Variants in HIF1AN observed in about 807,000 individuals in gnomAD.
HIF1AN encodes hypoxia inducible factor 1 subunit alpha inhibitor.
In HIF1AN, 21 loss-of-function variants were observed where a neutral mutation model predicts 47.7. That is an observed-to-expected ratio of 0.44 (90% CI 0.31 to 0.63). The LOEUF (loss-of-function observed/expected upper bound fraction) is 0.63, where lower values mean the gene tolerates loss of function less well. HIF1AN is among the 30% of genes least tolerant of loss of function. HIF1AN has a pLI of 0.07. For synonymous variants in HIF1AN, 152 were observed against 155.9 expected (o/e 0.98, Z 0.18); for missense variants, 320 against 432.7 (o/e 0.74, Z 2.31).
Position 100,548,484 on chromosome 10 carries a change from A to G in HIF1AN, c.*347A>G, listed in dbSNP as rs1370138321. Reference sequence around the variant, plus strand: ...AATGTGTGCGTGTGTGTGCATGCACACGCATGTATGTATCTGTTCCCTGTT... The same window carrying G: ...AATGTGTGCGTGTGTGTGCATGCACGCGCATGTATGTATCTGTTCCCTGTT... On this transcript the variant is annotated 3_prime_UTR_variant, in exon 8 of 8. Transcript: ENST00000299163. The G allele has an allele frequency of 4.2e-6, 1 of 236,042 alleles. No homozygotes were observed. Among genetic ancestry groups the G allele is most frequent in the East Asian group, 8.8e-5 (1 of 11,360 alleles). The allele number at this position is 236,042 out of a possible 1,614,324, so 14.6% of individuals were successfully genotyped here.
chr10:100,556,804 T>C lies in HIF1AN; in HGVS notation c.*8667T>C, dbSNP rs1184507331. ...TCTGTGAGGGGTAGGAAATAGCACA[T>C]AACTTGTAGCATTGTTATAAGGGCT... On this transcript the variant is annotated 3_prime_UTR_variant, in exon 8 of 8. Coordinates refer to ENST00000299163, the MANE Select transcript of HIF1AN (RefSeq NM_017902.3). The C allele has an allele frequency of 6.6e-6, 1 of 152,246 alleles. No individual in the cohort carries two copies. Among genetic ancestry groups the C allele is most frequent in the African/African-American group, 2.4e-5 (1 of 41,462 alleles). The allele number at this position is 152,246 out of a possible 1,614,324, so 9.4% of individuals were successfully genotyped here.
intron 3 of HIF1AN, among the ~76,000 whole-genome samples, chr10:100,543,417 A>G (rs911737731): frequency 7.9e-5 from 12 of 151,418 alleles, no homozygotes; most frequent in African/African-American, 2.4e-4. Flanking sequence ...CTGGTCTCGA[A>G]CTCCTGGCCC....
chr10:100,545,833 C>A, intron 4 of HIF1AN, 110 bp from the exon 5 acceptor site: 1 of 713,022 alleles, frequency 1.4e-6, no homozygotes, highest in East Asian at 2.5e-5. Flanking sequence ...TTTAAGGCAT[C>A]GTTTTTTTTT....
chr10:100,546,723 T>C (rs1299644601), intron 6 of HIF1AN, 142 bp downstream of exon 6: 2 of 683,628 alleles, frequency 2.9e-6, no homozygotes, highest in Admixed American at 2.6e-5. Context: ...AGGGACAGGA[T>C]TGAATTGGGT....
rs973837140 is a variant in HIF1AN, at chr10:100,559,764, A to G, written c.*11627A>G. 2.0e-5 allele frequency: 3 copies of G among 152,282 alleles called. No individual in the cohort carries two copies. The highest frequency in any genetic ancestry group is 2.1e-4 in the South Asian group (1 of 4,818). 9.4% of individuals were successfully genotyped at this position (152,282 alleles called of 1,614,324 possible). A position where few individuals can be genotyped will look rare whatever the true frequency, so the allele number is the denominator to read the frequency against. Reference sequence around the variant, plus strand: ...TAATTTATGAATATAAATTGTTTCTATATAACCCAAAGTCACTCTCATTGA... The same window carrying G: ...TAATTTATGAATATAAATTGTTTCTGTATAACCCAAAGTCACTCTCATTGA... On this transcript the variant is annotated 3_prime_UTR_variant, in exon 8 of 8. Transcript: ENST00000299163.
At chr10:100,547,869 G>A (rs942305447) in intron 7 of HIF1AN, among the ~76,000 whole-genome samples, 3 of 152,064 alleles carry the variant, frequency 2.0e-5, no homozygotes, top group African/African-American at 7.3e-5. Context: ...AGACGGTGTT[G>A]TGCGAGAGAA....
chr10:100,541,850 A>G (rs1382798450), intron 3 of HIF1AN, among the ~76,000 whole-genome samples: 1 of 152,232 alleles, frequency 6.6e-6, no homozygotes, highest in Non-Finnish European at 1.5e-5. Context: ...TGCAAACACC[A>G]TAGAGTATAG....
chr10:100,536,694 T>G, intron 2 of HIF1AN, 33 bp downstream of exon 2: 1 of 1,611,224 alleles, frequency 6.2e-7, no homozygotes, highest in South Asian at 1.1e-5. Context: ...TCTGTTGGAT[T>G]TAGGACACTC....
chr10:100,548,288 G>A lies in HIF1AN; in HGVS notation c.*151G>A, dbSNP rs766242084. ...GGCCCAGGAGTCAGGTGTTTGGAGC[G>A]AGGCAGGGCAGTTGGCACTCCACTC... is the stretch of plus-strand genomic sequence containing the variant. On this transcript the variant is annotated 3_prime_UTR_variant, in exon 8 of 8. Coordinates refer to ENST00000299163, the MANE Select transcript of HIF1AN (RefSeq NM_017902.3). 9.8e-6 allele frequency: 6 copies of A among 612,732 alleles called. No homozygotes were observed. In the Admixed American group the frequency reaches 1.4e-4, roughly 14 times the overall value. The allele number at this position is 612,732 out of a possible 1,614,324, so 38.0% of individuals were successfully genotyped here. A position where few individuals can be genotyped will look rare whatever the true frequency, so the allele number is the denominator to read the frequency against.
rs1334266871 is a variant in HIF1AN, at chr10:100,555,130, T to G, written c.*6993T>G. On this transcript the variant is annotated 3_prime_UTR_variant, in exon 8 of 8. Transcript: ENST00000299163. ...AGGTTGGGGGATTTCCCCCTTAGCT[T>G]CTCTTTCTTCCAGTCCAGCAGTCCA... 1 of 152,232 alleles carries G rather than the reference T, an allele frequency of 6.6e-6. No individual in the cohort carries two copies. Among genetic ancestry groups the G allele is most frequent in the East Asian group, 1.9e-4 (1 of 5,198 alleles). 9.4% of individuals were successfully genotyped at this position (152,232 alleles called of 1,614,324 possible). A position where few individuals can be genotyped will look rare whatever the true frequency, so the allele number is the denominator to read the frequency against.
In HIF1AN at chr10:100,553,527, C is replaced by G. The variant is rs768502688; in HGVS notation, c.*5390C>G. 4 of 152,188 alleles carry G rather than the reference C, an allele frequency of 2.6e-5. No individual in the cohort carries two copies. Among genetic ancestry groups the G allele is most frequent in the Non-Finnish European group, 5.9e-5 (4 of 68,040 alleles). 9.4% of individuals were successfully genotyped at this position (152,188 alleles called of 1,614,324 possible). Reference sequence around the variant, plus strand: ...TACCCAGACTATCTCTCCACTCCTCCAAGAGTTTGAGTCCCATAGCTGATG... The same window carrying G: ...TACCCAGACTATCTCTCCACTCCTCGAAGAGTTTGAGTCCCATAGCTGATG... On this transcript the variant is annotated 3_prime_UTR_variant, in exon 8 of 8. Transcript: ENST00000299163.
Position 100,559,785 on chromosome 10 carries a change from A to G in HIF1AN, c.*11648A>G, listed in dbSNP as rs1843242693. On this transcript the variant is annotated 3_prime_UTR_variant, in exon 8 of 8. Coordinates refer to ENST00000299163, the MANE Select transcript of HIF1AN (RefSeq NM_017902.3). ...TTCTATATAACCCAAAGTCACTCTC[A>G]TTGACATTAAGAAACTCAGAGAGTG... 1 of 152,188 alleles carries G rather than the reference A, an allele frequency of 6.6e-6. No homozygotes were observed. 9.4% of individuals were successfully genotyped at this position (152,188 alleles called of 1,614,324 possible).
chr10:100,543,418 C>T lies in HIF1AN; in HGVS notation c.578-1533C>T, dbSNP rs145368398. Among the ~76,000 whole-genome samples the T allele has an allele frequency of 2.1e-3, 320 of 152,220 alleles. 2 individuals carry two copies. Among genetic ancestry groups the T allele is most frequent in the African/African-American group, 7.5e-3 (310 of 41,530 alleles). ...CTATGTTGCCCGGACTGGTCTCGAACTCCTGGCCCCCTCTCACCTTGGCCC... is the reference window on the plus strand; with the variant it reads ...CTATGTTGCCCGGACTGGTCTCGAATTCCTGGCCCCCTCTCACCTTGGCCC... On this transcript the variant is annotated intron_variant, in intron 3 of 7. Transcript: ENST00000299163.
intron 3 of HIF1AN, among the ~76,000 whole-genome samples, chr10:100,541,779 T>C (rs180994736): frequency 1.7e-3 from 263 of 151,342 alleles, no homozygotes; most frequent in Middle Eastern, 0.017. Flanking sequence ...AATACAGACA[T>C]GTGATGCTTA....
In HIF1AN at chr10:100,552,928, C is replaced by T; in HGVS notation, c.*4791C>T. Reference sequence around the variant, plus strand: ...GCCCCTTCTGCTTGTCTTCAGCCATCTTGGTTTAATCCTCATAGGTCATGG... The same window carrying T: ...GCCCCTTCTGCTTGTCTTCAGCCATTTTGGTTTAATCCTCATAGGTCATGG... On this transcript the variant is annotated 3_prime_UTR_variant, in exon 8 of 8. Coordinates refer to ENST00000299163, the MANE Select transcript of HIF1AN (RefSeq NM_017902.3). The T allele has an allele frequency of 6.6e-6, 1 of 152,136 alleles. No homozygotes were observed. Among genetic ancestry groups the T allele is most frequent in the South Asian group, 2.1e-4 (1 of 4,814 alleles). 9.4% of individuals were successfully genotyped at this position (152,136 alleles called of 1,614,324 possible).
rs780214126 is a variant in HIF1AN, at chr10:100,544,942, T to G, written c.578-9T>G. 2 of 1,614,066 alleles carry G rather than the reference T, an allele frequency of 1.2e-6. No individual in the cohort carries two copies. ...TGCTCTGCATAAGAAAATGCCTTTCTTCTTACAGGAAATGTGACACCTGCT... is the reference window on the plus strand; with the variant it reads ...TGCTCTGCATAAGAAAATGCCTTTCGTCTTACAGGAAATGTGACACCTGCT... On this transcript the variant is annotated splice_polypyrimidine_tract_variant and intron_variant, in intron 3 of 7. Coordinates refer to ENST00000299163, the MANE Select transcript of HIF1AN (RefSeq NM_017902.3).
rs1464741118 is a variant in HIF1AN, at chr10:100,558,949, T to C, written c.*10812T>C. On this transcript the variant is annotated 3_prime_UTR_variant, in exon 8 of 8. Transcript: ENST00000299163. The stretch of plus-strand genomic sequence containing the variant: ...CAGTTTGTATTTTAAGTCCTTGACA[T>C]ATGGAAGAGCATTTGTGAGAGTAAC... 6.6e-6 allele frequency: 1 copy of C among 152,218 alleles called. No homozygotes were observed. Among genetic ancestry groups the C allele is most frequent in the East Asian group, 1.9e-4 (1 of 5,200 alleles). 9.4% of individuals were successfully genotyped at this position (152,218 alleles called of 1,614,324 possible). A position where few individuals can be genotyped will look rare whatever the true frequency, so the allele number is the denominator to read the frequency against.
At chr10:100,542,463 C>T (rs887101270) in intron 3 of HIF1AN, among the ~76,000 whole-genome samples, 4 of 152,146 alleles carry the variant, frequency 2.6e-5, no homozygotes, top group African/African-American at 9.7e-5. Flanking sequence ...ACGCCATTCT[C>T]CCACCTCAGC....
intron 3 of HIF1AN, among the ~76,000 whole-genome samples, chr10:100,542,987 A>G (rs920445216): frequency 1.3e-5 from 2 of 151,324 alleles, no homozygotes; most frequent in South Asian, 2.1e-4. Flanking sequence ...TGCCAGGCCC[A>G]TGGTAGGTAC....
Sources: allele counts gnomAD v4.1 joint callset (sites outside exome capture counted in the v4.1 genomes callset), GRCh38; gene constraint gnomAD v4.1.1; transcripts MANE v1.5; gene names NCBI Gene and HGNC (gene_info 2026-07-23, HGNC 2026-07-21).